The following EXOC6B variants were observed in gnomAD, a reference collection of about 807,000 sequenced individuals.
The protein encoded by EXOC6B is SEC15 homolog B.
A neutral mutation model predicts 113.5 loss-of-function variants in EXOC6B; 54 were observed. The ratio of observed to expected loss-of-function variants is 0.48; its 90% CI spans 0.38 to 0.60. The LOEUF (loss-of-function observed/expected upper bound fraction) is 0.60. EXOC6B is among the 20% of genes least tolerant of loss of function. The pLI, the probability that EXOC6B is intolerant of heterozygous loss-of-function variation, is 0.00. For synonymous variants in EXOC6B, 357 were observed against 339.0 expected, an observed-to-expected ratio of 1.05 and a Z score of -0.58; for missense variants, 797 against 977.5, an observed-to-expected ratio of 0.82 and a Z score of 2.46.
chr2:72,579,329 T>A lies in EXOC6B; in HGVS notation c.670-3661A>T, dbSNP rs558791273. On this transcript the variant is annotated intron_variant, in intron 6 of 21. Coordinates refer to ENST00000272427, the MANE Select transcript of EXOC6B (RefSeq NM_015189.3). ...TTGGGTATCCAGGTGAAAATGACAG[T>A]AAAGCACCTCAGTGTATACAACTCT... Among the ~76,000 whole-genome samples the A allele has an allele frequency of 4.6e-5, 7 of 152,212 alleles. No homozygotes were observed. In the South Asian group the frequency reaches 1.4e-3, roughly 32 times the overall value.
chr2:72,715,286 A>C (rs565401582), intron 6 of EXOC6B, among the ~76,000 whole-genome samples: 108 of 152,128 alleles, frequency 7.1e-4, no homozygotes, highest in Non-Finnish European at 1.4e-3. Context: ...AAAAGCAAAA[A>C]GCAGGCAGTA....
In EXOC6B at chr2:72,179,433, T is replaced by C. The variant is rs375911860; in HGVS notation, c.2338A>G (p.Met780Val). ...KMKDTSRKNN[M>V]FAQFRKNERD... ...TCATTTTTCCGAAACTGTGCAAACA[T>C]GTTGTTCTTGCGGCTAGTATCCTTC... is the stretch of plus-strand genomic sequence containing the variant. Residue 780 changes from methionine to valine, a missense_variant, in exon 22 of 22, where the codon ATG becomes GTG. By Grantham distance (21) the Met-to-Val change is conservative. Coordinates refer to ENST00000272427, the MANE Select transcript of EXOC6B (RefSeq NM_015189.3). 3.2e-5 allele frequency: 52 copies of C among 1,613,718 alleles called. No homozygotes were observed. In the African/African-American group the frequency reaches 6.8e-4, roughly 21 times the overall value.
At chr2:72,300,581 T>C (rs1303609978) in intron 20 of EXOC6B, among the ~76,000 whole-genome samples, 1 of 152,200 alleles carries the variant, frequency 6.6e-6, no homozygotes. Context: ...GAAAAAAAAC[T>C]TCTGCAGCTA....
Position 72,323,206 on chromosome 2 carries a change from T to G in EXOC6B, c.2196+11741A>C, listed in dbSNP as rs187921808. Among the ~76,000 whole-genome samples, 640 of 152,218 alleles carry G rather than the reference T, an allele frequency of 4.2e-3. 14 individuals carry two copies. The highest frequency in any genetic ancestry group is 0.039 in the Admixed American group (592 of 15,284). ...AAAGACACTTCTCAAAAGAAGACAT[T>G]TATGCAGCCAACAAACATATGAAAA... On this transcript the variant is annotated intron_variant, in intron 20 of 21. Transcript: ENST00000272427.
chr2:72,781,387 G>T (rs995488000), intron 1 of EXOC6B, among the ~76,000 whole-genome samples: 2 of 152,190 alleles, frequency 1.3e-5, no homozygotes, highest in African/African-American at 4.8e-5. Context: ...TGAGTCCATT[G>T]TGGGTCAGCA....
intron 1 of EXOC6B, among the ~76,000 whole-genome samples, chr2:72,809,356 C>T (rs1300824497): frequency 6.6e-6 from 1 of 151,954 alleles, no homozygotes; most frequent in African/African-American, 2.4e-5. Context: ...TATAACGATA[C>T]AGGCAGGTTC....
chr2:72,732,184 G>T (rs1479540331), intron 3 of EXOC6B, among the ~76,000 whole-genome samples: 1 of 152,142 alleles, frequency 6.6e-6, no homozygotes, highest in Non-Finnish European at 1.5e-5. Context: ...GTCTCCCTTT[G>T]TCACCCAGGC....
At chr2:72,266,871 A>T (rs1306399715) in intron 20 of EXOC6B, among the ~76,000 whole-genome samples, 1 of 152,162 alleles carries the variant, frequency 6.6e-6, no homozygotes, top group Non-Finnish European at 1.5e-5. Flanking sequence ...CACGATATTC[A>T]TTCTTCCTAC....
intron 19 of EXOC6B, among the ~76,000 whole-genome samples, chr2:72,349,371 G>A (rs1689517646): frequency 6.6e-6 from 1 of 152,084 alleles, no homozygotes; most frequent in African/African-American, 2.4e-5. Flanking sequence ...ACTGATGGTG[G>A]GGTCTTAGAG....
intron 20 of EXOC6B, among the ~76,000 whole-genome samples, chr2:72,191,560 C>T (rs41403): frequency 6.6e-6 from 1 of 151,932 alleles, no homozygotes; most frequent in Non-Finnish European, 1.5e-5. Flanking sequence ...TCTGAGTTAG[C>T]TACTCATCTG....
chr2:72,464,782 C>G (rs1285895497), intron 18 of EXOC6B: 1 of 201,064 alleles, frequency 5.0e-6, no homozygotes, highest in East Asian at 1.2e-4. Flanking sequence ...AGCATTTCAT[C>G]AAAGAATTTC....
chr2:72,218,749 G>A lies in EXOC6B; in HGVS notation c.2197-34562C>T, dbSNP rs569452411. Among the ~76,000 whole-genome samples the A allele has an allele frequency of 2.6e-5, 4 of 152,004 alleles. No homozygotes were observed. The South Asian group carries it at 8.3e-4, about 32-fold the overall frequency. On this transcript the variant is annotated intron_variant, in intron 20 of 21. Transcript: ENST00000272427. Reference sequence around the variant, plus strand: ...GCGATCTAGGCTCACTGCAACCTCCGACTCCCTGGTTCAAGCAATTCTCCT... The same window carrying A: ...GCGATCTAGGCTCACTGCAACCTCCAACTCCCTGGTTCAAGCAATTCTCCT...
chr2:72,277,501 T>C (rs1043628662), intron 20 of EXOC6B, among the ~76,000 whole-genome samples: 2 of 151,946 alleles, frequency 1.3e-5, no homozygotes, highest in Non-Finnish European at 2.9e-5. Context: ...TTGTTTTTTT[T>C]TTTTCTTTTT....
intron 18 of EXOC6B, among the ~76,000 whole-genome samples, chr2:72,422,176 C>T (rs893893656): frequency 3.9e-5 from 6 of 152,234 alleles, no homozygotes; most frequent in Admixed American, 2.6e-4. Context: ...CCAGGGTGCC[C>T]AGTCCCATCG....
At chr2:72,576,240 T>A (rs181985042) in intron 6 of EXOC6B, among the ~76,000 whole-genome samples, 46 of 152,150 alleles carry the variant, frequency 3.0e-4, no homozygotes, top group African/African-American at 1.1e-3. Flanking sequence ...AACTAAGTAA[T>A]CCAATAGGAT....
At chr2:72,595,308 T>C (rs1304835142) in intron 6 of EXOC6B, among the ~76,000 whole-genome samples, 13 of 147,080 alleles carry the variant, frequency 8.8e-5, no homozygotes, top group Non-Finnish European at 1.5e-5. Flanking sequence ...TATATATATA[T>C]GACAATTAAT....
In EXOC6B at chr2:72,821,397, G is replaced by C. The variant is rs545809551; in HGVS notation, c.113+4401C>G. Reference sequence around the variant, plus strand: ...AATGTAAAATGGCGCATGCACTTTGGAAAAACAGTCTAGCAGTTCCTCATA... The same window carrying C: ...AATGTAAAATGGCGCATGCACTTTGCAAAAACAGTCTAGCAGTTCCTCATA... On this transcript the variant is annotated intron_variant, in intron 1 of 21. Coordinates refer to ENST00000272427, the MANE Select transcript of EXOC6B (RefSeq NM_015189.3). Among the ~76,000 whole-genome samples the C allele has an allele frequency of 5.3e-5, 8 of 152,178 alleles. 1 individual carries two copies. The highest frequency in any genetic ancestry group is 1.9e-4 in the African/African-American group (8 of 41,532).
intron 20 of EXOC6B, among the ~76,000 whole-genome samples, chr2:72,231,132 T>C (rs1681595236): frequency 6.6e-6 from 1 of 152,136 alleles, no homozygotes; most frequent in Non-Finnish European, 1.5e-5. Context: ...CTTTCCCAAC[T>C]TCCTATTACC....
At chr2:72,256,216 T>C (rs1216902230) in intron 20 of EXOC6B, among the ~76,000 whole-genome samples, 1 of 152,132 alleles carries the variant, frequency 6.6e-6, no homozygotes, top group Admixed American at 6.5e-5. Flanking sequence ...CTTAGAGGAT[T>C]TGGAGGGAGC....
Sources: gnomAD v4.1 joint callset for allele counts (sites outside exome capture counted in the v4.1 genomes callset) on GRCh38, gnomAD v4.1.1 for gene constraint, MANE v1.5 for transcripts, NCBI Gene and HGNC (gene_info 2026-07-23, HGNC 2026-07-21) for gene names.